The following ARMCX5 variants were observed in gnomAD, a reference collection of about 807,000 sequenced individuals.
The protein encoded by ARMCX5 is armadillo repeat-containing X-linked protein 5.
ARMCX5 carries 1 observed loss-of-function variant against 7.5 expected under a neutral mutation model. The ratio of observed to expected loss-of-function variants is 0.13; its 90% CI spans 0.05 to 0.63. The LOEUF is 0.63. ARMCX5 is among the 30% of genes least tolerant of loss of function. The pLI, the probability that ARMCX5 is intolerant of heterozygous loss-of-function variation, is 0.86. For synonymous variants in ARMCX5, 149 were observed against 145.7 expected, an observed-to-expected ratio of 1.02 and a Z score of -0.16; for missense variants, 346 against 402.2, an observed-to-expected ratio of 0.86 and a Z score of 1.19.
Position 102,603,895 on chromosome X carries a change from A to G in ARMCX5, c.*77A>G. On this transcript the variant is annotated 3_prime_UTR_variant, in exon 4 of 4. Coordinates refer to ENST00000473968, the MANE Select transcript of ARMCX5 (RefSeq NM_001168478.2). ...GAAACCAATGCATATTGTAATTATA[A>G]ATTCAATACTTATGTTTTCCATGTT... is the stretch of plus-strand genomic sequence containing the variant. The G allele has an allele frequency of 1.6e-6, 1 of 640,967 alleles. No homozygotes were observed. Among genetic ancestry groups the G allele is most frequent in the Non-Finnish European group, 2.4e-6 (1 of 420,901 alleles). 52.8% of individuals were successfully genotyped at this position (640,967 alleles called of 1,213,427 possible).
At chrX:102,599,315 C>T (rs1400521621), upstream of ARMCX5, 1 of 111,509 alleles carries the variant, frequency 9.0e-6, no homozygotes, top group Non-Finnish European at 1.9e-5. Context: ...AATACAGAAA[C>T]ACTCTGGTAT....
rs778307769 is a variant in ARMCX5, at chrX:102,603,607, C to G, written c.1466C>G (p.Ala489Gly). ...CCCTTTAACAAGAATGAGTCAAAGG[C>G]CAATATTCTTAATATTATTGAAATA... ...VAPFNKNESK[A>G]NILNIIEIFE... The change falls in exon 4 of 4, where the codon GCC (alanine) becomes GGC (glycine). Residue 489 changes from alanine (A) to glycine (G), a missense_variant. Physicochemically the swap from Ala to Gly is moderately conservative, Grantham distance 60. This residue lies in a region of ARMCX5 where 139 missense variants were observed against 141.1 expected (regional missense o/e 0.99). Transcript: ENST00000473968. The G allele has an allele frequency of 5.1e-6, 6 of 1,187,694 alleles. No individual in the cohort carries two copies. Among genetic ancestry groups the G allele is most frequent in the Non-Finnish European group, 6.8e-6 (6 of 876,080 alleles).
chrX:102,602,869 C>T lies in ARMCX5; in HGVS notation c.728C>T (p.Pro243Leu), dbSNP rs139851001. Residue 243 changes from proline (P) to leucine (L), a missense_variant, in exon 4 of 4, where the codon CCT becomes CTT. Physicochemically the swap from Pro to Leu is moderately conservative, Grantham distance 98 (BLOSUM62 -3). This residue lies in a region of ARMCX5 where 204 missense variants were observed against 244.3 expected (regional missense o/e 0.83). Coordinates refer to ENST00000473968, the MANE Select transcript of ARMCX5 (RefSeq NM_001168478.2). Reference protein sequence around the residue: ...VPVEGGEQSLPPEGNWTLVET... With the variant: ...VPVEGGEQSLLPEGNWTLVET... ...GTTGAAGGAGGGGAGCAATCCTTGC[C>T]TCCAGAAGGAAACTGGACCCTGGTT... The T allele has an allele frequency of 6.6e-6, 8 of 1,209,017 alleles. No homozygotes were observed. The highest frequency in any genetic ancestry group is 2.3e-4 in the Middle Eastern group (1 of 4,371).
rs1194076610 is a variant in ARMCX5, at chrX:102,602,975, A to G, written c.834A>G (p.Leu278=). ...PPYHGPYYQT[L]AEIKKQIRQR... ...ATCATGGGCCTTATTACCAGACCTTAGCTGAGATCAAAAAACAGATTAGGC... is the reference window on the plus strand; with the variant it reads ...ATCATGGGCCTTATTACCAGACCTTGGCTGAGATCAAAAAACAGATTAGGC... The change falls in exon 4 of 4, where the codon TTA becomes TTG. Residue 278 remains leucine, a synonymous_variant. Coordinates refer to ENST00000473968, the MANE Select transcript of ARMCX5 (RefSeq NM_001168478.2). 8.3e-7 allele frequency: 1 copy of G among 1,210,774 alleles called. No homozygotes were observed. Among genetic ancestry groups the G allele is most frequent in the Non-Finnish European group, 1.1e-6 (1 of 894,892 alleles).
chrX:102,599,924 G>T (rs1474029058), intron 1 of ARMCX5, 77 bp downstream of exon 1: 1 of 106,426 alleles, frequency 9.4e-6, no homozygotes. Flanking sequence ...ACCTGGTCAT[G>T]GGAGGCGGGC....
rs753977337 is a variant in ARMCX5, at chrX:102,603,512, G to T, written c.1371G>T (p.Ser457=). The T allele has an allele frequency of 2.5e-6, 3 of 1,208,138 alleles. No individual in the cohort carries two copies. Among genetic ancestry groups the T allele is most frequent in the Non-Finnish European group, 3.4e-6 (3 of 893,732 alleles). The part of the protein sequence containing the change: ...KTKFYVLKVF[S]CLSKNHANTR... The stretch of plus-strand genomic sequence containing the variant: ...AGTTTTATGTTTTAAAAGTGTTTTC[G>T]TGTTTGTCTAAAAATCACGCCAATA... The change falls in exon 4 of 4, where the codon TCG becomes TCT. Residue 457 remains serine, a synonymous_variant. Transcript: ENST00000473968.
chrX:102,602,803 T>G lies in ARMCX5; in HGVS notation c.662T>G (p.Val221Gly), dbSNP rs1365763904. 8.3e-7 allele frequency: 1 copy of G among 1,208,831 alleles called. No individual in the cohort carries two copies. Among genetic ancestry groups the G allele is most frequent in the African/African-American group, 1.8e-5 (1 of 56,903 alleles). The part of the protein sequence containing the change: ...HKPTLTIKQK[V>G]IAWSRARYIV... ...CCCACACTTACTATAAAACAAAAGG[T>G]AATAGCATGGTCAAGGGCCAGGTAT... Residue 221 changes from valine to glycine, a missense_variant, in exon 4 of 4, where the codon GTA (valine) becomes GGA (glycine). Physicochemically the swap from Val to Gly is moderately radical, Grantham distance 109. Coordinates refer to ENST00000473968, the MANE Select transcript of ARMCX5 (RefSeq NM_001168478.2).
In ARMCX5 at chrX:102,602,714, G is replaced by T. The variant is rs751288317; in HGVS notation, c.573G>T (p.Glu191Asp). The T allele has an allele frequency of 1.7e-6, 2 of 1,210,512 alleles. No individual in the cohort carries two copies. The highest frequency in any genetic ancestry group is 3.0e-5 in the East Asian group (1 of 33,813). Residue 191 changes from glutamate to aspartate, a missense_variant, in exon 4 of 4, where the codon GAG becomes GAT. Physicochemically the swap from Glu to Asp is conservative, Grantham distance 45. Transcript: ENST00000473968. ...GGTCCTGGTTCTGGCCTGAAGAAGA[G>T]ACCTCTCTTCAAGTTTATAAGCCCC... ...SVGSWFWPEE[E>D]TSLQVYKPLP...
chrX:102,602,957 G>A lies in ARMCX5; in HGVS notation c.816G>A (p.Gly272=), dbSNP rs746422685. The change falls in exon 4 of 4, where the codon GGG becomes GGA. Residue 272 remains glycine (G), a synonymous_variant. Coordinates refer to ENST00000473968, the MANE Select transcript of ARMCX5 (RefSeq NM_001168478.2). The stretch of plus-strand genomic sequence containing the variant: ...TGACCAAGATCCCACCTTATCATGG[G>A]CCTTATTACCAGACCTTAGCTGAGA... ...RPLTKIPPYH[G]PYYQTLAEIK... is the part of the protein sequence containing the mutation. 1.2e-5 allele frequency: 15 copies of A among 1,208,857 alleles called. No homozygotes were observed. The East Asian group carries it at 4.4e-4, about 36-fold the overall frequency.
Position 102,602,329 on chromosome X carries a change from A to G in ARMCX5, c.188A>G (p.His63Arg). 8.3e-7 allele frequency: 1 copy of G among 1,210,016 alleles called. No homozygotes were observed. The highest frequency in any genetic ancestry group is 1.1e-6 in the Non-Finnish European group (1 of 895,130). ...GGTGATGGAGCAATGACCAGGACAC[A>G]TACAGTGACCTACAGGGAGGCTATG... ...KAGDGAMTRT[H>R]TVTYREAMAV... Residue 63 changes from histidine to arginine, a missense_variant, in exon 4 of 4, where the codon CAT becomes CGT. Transcript: ENST00000473968.
chrX:102,601,991 G>C lies in ARMCX5; in HGVS notation c.-151G>C. The C allele has an allele frequency of 2.0e-6, 1 of 510,093 alleles. No homozygotes were observed. Among genetic ancestry groups the C allele is most frequent in the Non-Finnish European group, 3.3e-6 (1 of 301,272 alleles). The allele number at this position is 510,093 out of a possible 1,213,427, so 42.0% of individuals were successfully genotyped here. ...TCCCTACCTTGAGTGAGCTTCCTCT[G>C]CATGTTTTCTATATCACTGGCAGAG... On this transcript the variant is annotated 5_prime_UTR_variant, in exon 4 of 4. Coordinates refer to ENST00000473968, the MANE Select transcript of ARMCX5 (RefSeq NM_001168478.2).
chrX:102,602,955 G>A lies in ARMCX5; in HGVS notation c.814G>A (p.Gly272Arg), dbSNP rs2081060541. 8.3e-7 allele frequency: 1 copy of A among 1,210,644 alleles called. No individual in the cohort carries two copies. The highest frequency in any genetic ancestry group is 1.1e-6 in the Non-Finnish European group (1 of 894,822). Reference sequence around the variant, plus strand: ...TTTGACCAAGATCCCACCTTATCATGGGCCTTATTACCAGACCTTAGCTGA... The same window carrying A: ...TTTGACCAAGATCCCACCTTATCATAGGCCTTATTACCAGACCTTAGCTGA... ...RPLTKIPPYH[G>R]PYYQTLAEIK... Residue 272 changes from glycine to arginine, a missense_variant, in exon 4 of 4, where the codon GGG (glycine) becomes AGG (arginine). Gly to Arg is a moderately radical substitution (Grantham distance 125). Coordinates refer to ENST00000473968, the MANE Select transcript of ARMCX5 (RefSeq NM_001168478.2).
At position 102,603,418 on chromosome X, in the gene ARMCX5, A is replaced by T. The variant is rs2081068006; in HGVS notation, c.1277A>T (p.Asp426Val). ...GGGCACTTGAGTATAAAATTTGAAGATCACTATGTGATTACCAGTTATATT... is the reference window on the plus strand; with the variant it reads ...GGGCACTTGAGTATAAAATTTGAAGTTCACTATGTGATTACCAGTTATATT... ...LLGHLSIKFE[D>V]HYVITSYIPD... The change falls in exon 4 of 4, where the codon GAT (aspartate) becomes GTT (valine). Residue 426 changes from aspartate to valine, a missense_variant. Asp to Val is a radical substitution (Grantham distance 152). Coordinates refer to ENST00000473968, the MANE Select transcript of ARMCX5 (RefSeq NM_001168478.2). The T allele has an allele frequency of 8.3e-7, 1 of 1,209,873 alleles. No homozygotes were observed.
rs749922493 is a variant in ARMCX5 at position 102,602,721 on chromosome X, C to T, written c.580C>T (p.Leu194Phe). The T allele has an allele frequency of 1.2e-5, 15 of 1,208,415 alleles. No homozygotes were observed. The South Asian group carries it at 2.3e-4, about 18-fold the overall frequency. The change falls in exon 4 of 4, where the codon CTT (leucine) becomes TTT (phenylalanine). Residue 194 changes from leucine to phenylalanine, a missense_variant. By Grantham distance (22) the Leu-to-Phe change is conservative. Around this residue, in one of 3 missense-constraint regions of ARMCX5, gnomAD observed 204 missense variants for 244.3 expected, o/e 0.83. Transcript: ENST00000473968. Reference protein sequence around the residue: ...SWFWPEEETSLQVYKPLPKIQ... With the variant: ...SWFWPEEETSFQVYKPLPKIQ... Reference sequence around the variant, plus strand: ...GTTCTGGCCTGAAGAAGAGACCTCTCTTCAAGTTTATAAGCCCCTACCTAA... The same window carrying T: ...GTTCTGGCCTGAAGAAGAGACCTCTTTTCAAGTTTATAAGCCCCTACCTAA...
Position 102,603,778 on chromosome X carries a change from A to T in ARMCX5, c.1637A>T (p.Glu546Val). The T allele has an allele frequency of 8.4e-7, 1 of 1,190,093 alleles. No homozygotes were observed. The highest frequency in any genetic ancestry group is 1.9e-5 in the South Asian group (1 of 53,007). The change falls in exon 4 of 4, where the codon GAA (glutamate) becomes GTA (valine). Residue 546 changes from glutamate (E) to valine (V), a missense_variant. Glu to Val is a moderately radical substitution (Grantham distance 121). Transcript: ENST00000473968. ...GACTTAGCAGAGCACAGTGATCCCG[A>T]AGTGAGAGATAAAGTCATACGATTA... is the stretch of plus-strand genomic sequence containing the variant. The part of the protein sequence containing the change: ...LQDLAEHSDP[E>V]VRDKVIRLIL...
At position 102,599,642 on chromosome X, in the gene ARMCX5, C is replaced by G. The variant is rs1602490020; in HGVS notation, c.-627C>G. On this transcript the variant is annotated 5_prime_UTR_variant, in exon 1 of 4. Coordinates refer to ENST00000473968, the MANE Select transcript of ARMCX5 (RefSeq NM_001168478.2). The stretch of plus-strand genomic sequence containing the variant: ...GGGAACAGGAAGGAGAAAAGAATAC[C>G]AAAAGTGACAACAGTTTGCCAATCG... The G allele has an allele frequency of 9.1e-6, 1 of 109,306 alleles. No homozygotes were observed. The highest frequency in any genetic ancestry group is 4.1e-4 in the South Asian group (1 of 2,453). The allele number at this position is 109,306 out of a possible 1,213,427, so 9.0% of individuals were successfully genotyped here. A position where few individuals can be genotyped will look rare whatever the true frequency, so the allele number is the denominator to read the frequency against.
chrX:102,603,989 T>C lies in ARMCX5; in HGVS notation c.*171T>C. On this transcript the variant is annotated 3_prime_UTR_variant, in exon 4 of 4. Transcript: ENST00000473968. ...CCTGAACATGTGCTGATTTTTATTG[T>C]GCTATATAGTATATAAATTGAGATA... The C allele has an allele frequency of 2.6e-6, 1 of 378,983 alleles. No homozygotes were observed. The highest frequency in any genetic ancestry group is 4.7e-6 in the Non-Finnish European group (1 of 214,995). 31.2% of individuals were successfully genotyped at this position (378,983 alleles called of 1,213,427 possible).
At chrX:102,600,377 G>A (rs964370791) in intron 1 of ARMCX5, 1 of 110,571 alleles carries the variant, frequency 9.0e-6, no homozygotes, top group Non-Finnish European at 1.9e-5. Context: ...AGACCTCAAG[G>A]GGAGAGGAGA....
Position 102,603,360 on chromosome X carries a change from T to G in ARMCX5, c.1219T>G (p.Ser407Ala). The G allele has an allele frequency of 5.8e-6, 7 of 1,210,803 alleles. No individual in the cohort carries two copies. Among genetic ancestry groups the G allele is most frequent in the Non-Finnish European group, 5.6e-6 (5 of 894,937 alleles). The change falls in exon 4 of 4, where the codon TCC (serine) becomes GCC (alanine). Residue 407 changes from serine (S) to alanine (A), a missense_variant. This residue lies in a region of ARMCX5 where 139 missense variants were observed against 141.1 expected (regional missense o/e 0.99). Coordinates refer to ENST00000473968, the MANE Select transcript of ARMCX5 (RefSeq NM_001168478.2). Reference sequence around the variant, plus strand: ...AGGCATAATCTCTTGCCCCTTGAACTCCCCTGTGCAGCTGGCTGGACTGAA... The same window carrying G: ...AGGCATAATCTCTTGCCCCTTGAACGCCCCTGTGCAGCTGGCTGGACTGAA... The part of the protein sequence containing the change: ...CKGIISCPLN[S>A]PVQLAGLKLL...
Sources: gnomAD v4.1 joint callset for allele counts on GRCh38, gnomAD v4.1.1 for gene constraint, gnomAD v4.1.1 regional missense constraint, MANE v1.5 for transcripts, NCBI Gene and HGNC (gene_info 2026-07-23, HGNC 2026-07-21) for gene names.